PRKN: variants seen among roughly 807,000 people sequenced by gnomAD.
PRKN encodes the protein parkin RBR E3 ubiquitin protein ligase, also known as E3 ubiquitin-protein ligase parkin.
In PRKN, 56 loss-of-function variants were observed where a neutral mutation model predicts 59.5. The observed-to-expected ratio is 0.94, with a 90% confidence interval of 0.76 to 1.18. The LOEUF (loss-of-function observed/expected upper bound fraction) is 1.18. PRKN is among the 50% of genes most tolerant of loss of function. The pLI, the probability that PRKN is intolerant of heterozygous loss-of-function variation, is 0.00. For synonymous variants in PRKN, 250 were observed against 222.1 expected (o/e 1.13, Z -1.12); for missense variants, 657 against 596.4 (o/e 1.10, Z -1.06).
At position 161,410,777 on chromosome 6, in the gene PRKN, C is replaced by G. The variant is rs540305409; in HGVS notation, c.1084-23900G>C. On this transcript the variant is annotated intron_variant, in intron 9 of 11. Transcript: ENST00000366898. The surrounding 1 kb of genome is among the most constrained non-coding windows in gnomAD (Gnocchi z 5.3). ...ATTGGTGCTCATGACAACGGCACGCCAAGGGGCTTGATGGCAGCAGCCTCA... is the reference window on the plus strand; with the variant it reads ...ATTGGTGCTCATGACAACGGCACGCGAAGGGGCTTGATGGCAGCAGCCTCA... Among the ~76,000 whole-genome samples the G allele has an allele frequency of 1.7e-4, 26 of 152,176 alleles. No individual in the cohort carries two copies. In the South Asian group the frequency reaches 5.4e-3, roughly 32 times the overall value.
chr6:162,514,292 G>C (rs796394277), intron 1 of PRKN, among the ~76,000 whole-genome samples: 14 of 150,058 alleles, frequency 9.3e-5, no homozygotes, highest in African/African-American at 3.2e-4. Context: ...TTCTGAAAAA[G>C]TAAACTGAAT....
At chr6:161,791,770 T>C (rs1417312566) in intron 6 of PRKN, among the ~76,000 whole-genome samples, 1 of 152,210 alleles carries the variant, frequency 6.6e-6, no homozygotes, top group Non-Finnish European at 1.5e-5. Flanking sequence ...ATAGGATATA[T>C]TGCCACGCTC....
intron 5 of PRKN, among the ~76,000 whole-genome samples, chr6:162,008,725 T>C (rs1248190688): frequency 1.3e-5 from 2 of 152,134 alleles, no homozygotes; most frequent in African/African-American, 2.4e-5. Context: ...TGAGAACTTA[T>C]TATATGAGAA....
At chr6:162,427,768 C>A (rs1305158396) in intron 2 of PRKN, among the ~76,000 whole-genome samples, 2 of 151,902 alleles carry the variant, frequency 1.3e-5, no homozygotes, top group Admixed American at 6.6e-5. Flanking sequence ...GCCTCAGCCT[C>A]CCGGGTAGCT....
intron 2 of PRKN, among the ~76,000 whole-genome samples, chr6:162,320,362 C>CAAAAAAAAAAAAAAAAAAA (rs55793911): frequency 2.7e-4 from 2 of 7,296 alleles, no homozygotes; most frequent in African/African-American, 5.7e-4. Flanking sequence ...TACAAAAAGC[C>CAAAAAAAAAAAAAAAAAAA]AAAAAAAAAA....
intron 5 of PRKN, among the ~76,000 whole-genome samples, chr6:162,047,583 C>A (rs1350344010): frequency 6.7e-6 from 1 of 150,102 alleles, no homozygotes; most frequent in Non-Finnish European, 1.5e-5. Flanking sequence ...ACACATGAAA[C>A]CATCCTGAGA....
intron 2 of PRKN, among the ~76,000 whole-genome samples, chr6:162,423,944 A>C (rs775151953): frequency 1.2e-4 from 18 of 152,160 alleles, no homozygotes; most frequent in Non-Finnish European, 2.2e-4. Context: ...ACAAAAACCT[A>C]CACACAGATG....
In PRKN at chr6:161,941,229, A is replaced by G. The variant is rs1779554591; in HGVS notation, c.734+32073T>C. On this transcript the variant is annotated intron_variant, in intron 6 of 11. Transcript: ENST00000366898. ...TCCACATCCCCATCCTGTGCCTATAAAAACCCTGAGAGCCTAGCAGGCAGA... is the reference window on the plus strand; with the variant it reads ...TCCACATCCCCATCCTGTGCCTATAGAAACCCTGAGAGCCTAGCAGGCAGA... 3.9e-5 allele frequency among the ~76,000 whole-genome samples: 6 copies of G among 152,272 alleles called. No homozygotes were observed. The South Asian group carries it at 1.2e-3, about 32-fold the overall frequency.
intron 1 of PRKN, among the ~76,000 whole-genome samples, chr6:162,689,323 T>A (rs1323119212): frequency 6.6e-6 from 1 of 152,172 alleles, no homozygotes; most frequent in Non-Finnish European, 1.5e-5. Context: ...CTCTTATGAA[T>A]TTGTGAACAC....
At chr6:161,757,836 T>TCTCTCC (rs1168649021) in intron 7 of PRKN, among the ~76,000 whole-genome samples, 1 of 72,266 alleles carries the variant, frequency 1.4e-5, no homozygotes, top group East Asian at 4.4e-4. Flanking sequence ...AAACTCCATC[T>TCTCTCC]CTCTCTCTCT....
At position 161,872,250 on chromosome 6, in the gene PRKN, A is replaced by C. The variant is rs140494612; in HGVS notation, c.735-86342T>G. On this transcript the variant is annotated intron_variant, in intron 6 of 11. Coordinates refer to ENST00000366898, the MANE Select transcript of PRKN (RefSeq NM_004562.3). ...AGTGGGGGTCCTATTTTTCAGAATAAGGTCAGGAGATGTCTCCTGCACAGA... is the reference window on the plus strand; with the variant it reads ...AGTGGGGGTCCTATTTTTCAGAATACGGTCAGGAGATGTCTCCTGCACAGA... 9.9e-5 allele frequency among the ~76,000 whole-genome samples: 15 copies of C among 152,240 alleles called. No individual in the cohort carries two copies. In the East Asian group the frequency reaches 2.9e-3, roughly 30 times the overall value.
chr6:162,068,355 C>T (rs1778426559), intron 4 of PRKN, among the ~76,000 whole-genome samples: 1 of 152,138 alleles, frequency 6.6e-6, no homozygotes. Context: ...TAACAAATAA[C>T]CACAATTTTG....
intron 2 of PRKN, among the ~76,000 whole-genome samples, chr6:162,280,642 T>C (rs1444219897): frequency 6.6e-6 from 1 of 151,456 alleles, no homozygotes; most frequent in African/African-American, 2.4e-5. Flanking sequence ...AATACAAAAA[T>C]TAGCTGGGCA....
At chr6:162,217,366 C>A (rs1046415001) in intron 3 of PRKN, among the ~76,000 whole-genome samples, 1 of 152,084 alleles carries the variant, frequency 6.6e-6, no homozygotes, top group Non-Finnish European at 1.5e-5. Flanking sequence ...CCACTACTTA[C>A]ATTTTTTTGT....
chr6:161,364,951 A>G (rs1785138422), intron 10 of PRKN, among the ~76,000 whole-genome samples: 1 of 151,238 alleles, frequency 6.6e-6, no homozygotes, highest in South Asian at 2.1e-4. Flanking sequence ...AAAAAATCAG[A>G]GTAGAACTAG....
intron 2 of PRKN, among the ~76,000 whole-genome samples, chr6:162,363,076 C>G (rs151151338): frequency 4.8e-5 from 7 of 145,638 alleles, no homozygotes; most frequent in Non-Finnish European, 4.5e-5. Context: ...TGCAGTGAGC[C>G]AAGATCACAC....
At chr6:162,007,731 T>C (rs1782312374) in intron 5 of PRKN, among the ~76,000 whole-genome samples, 1 of 152,146 alleles carries the variant, frequency 6.6e-6, no homozygotes, top group East Asian at 1.9e-4. Flanking sequence ...GGAAAACGGC[T>C]TAGCATCTCC....
intron 4 of PRKN, among the ~76,000 whole-genome samples, chr6:162,062,565 G>A (rs1778143757): frequency 6.6e-6 from 1 of 152,160 alleles, no homozygotes. Flanking sequence ...AATCCAATAT[G>A]ACTGATGTCC....
intron 7 of PRKN, among the ~76,000 whole-genome samples, chr6:161,659,922 C>T (rs1054579317): frequency 6.6e-6 from 1 of 151,980 alleles, no homozygotes; most frequent in Non-Finnish European, 1.5e-5. Flanking sequence ...CATTCATTAC[C>T]GAGTTCATAC....
Sources: gnomAD v4.1 joint callset for allele counts (sites outside exome capture counted in the v4.1 genomes callset) on GRCh38, gnomAD v4.1.1 for gene constraint, Gnocchi (gnomAD v3.1) non-coding constraint, MANE v1.5 for transcripts, NCBI Gene and HGNC (gene_info 2026-07-23, HGNC 2026-07-21) for gene names.